The following FHIT variants were observed in gnomAD, a reference collection of about 807,000 sequenced individuals.
FHIT encodes the protein fragile histidine triad diadenosine triphosphatase, also known as bis(5'-adenosyl)-triphosphatase.
FHIT carries 19 observed loss-of-function variants against 17.9 expected under a neutral mutation model. That is an observed-to-expected ratio of 1.06 (90% CI 0.74 to 1.56). The LOEUF is 1.56. Among genes scored for constraint, FHIT ranks in the 40% most tolerant of loss-of-function variants. The pLI is 0.00. For missense variants in FHIT, 248 were observed against 189.2 expected (o/e 1.31, Z -1.82); for synonymous variants, 81 against 69.7 (o/e 1.16, Z -0.81).
chr3:61,183,570 T>G (rs2038410403), intron 2 of FHIT, among the ~76,000 whole-genome samples: 1 of 152,188 alleles, frequency 6.6e-6, no homozygotes, highest in African/African-American at 2.4e-5. Flanking sequence ...ACCTAACCTC[T>G]CTGAACATCT....
At chr3:60,751,633 G>A (rs371074808) in intron 4 of FHIT, among the ~76,000 whole-genome samples, 10 of 152,168 alleles carry the variant, frequency 6.6e-5, no homozygotes, top group Non-Finnish European at 7.3e-5. Context: ...CACTGTTGGT[G>A]AGATTTTAAG....
At chr3:61,043,864 C>A (rs1309678784) in intron 2 of FHIT, among the ~76,000 whole-genome samples, 1 of 152,194 alleles carries the variant, frequency 6.6e-6, no homozygotes, top group South Asian at 2.1e-4. Flanking sequence ...CCCAGGCAAA[C>A]AGGGTCTGGA....
At chr3:60,926,593 A>C (rs1436912549) in intron 3 of FHIT, among the ~76,000 whole-genome samples, 1 of 152,244 alleles carries the variant, frequency 6.6e-6, no homozygotes, top group Non-Finnish European at 1.5e-5. Context: ...AAATGCCCAC[A>C]AGAGAAATCA....
At chr3:59,974,056 C>T (rs1708302700) in intron 7 of FHIT, among the ~76,000 whole-genome samples, 1 of 151,844 alleles carries the variant, frequency 6.6e-6, no homozygotes, top group South Asian at 2.1e-4. Flanking sequence ...GCAAAAATGG[C>T]ATTGTTTTCA....
At chr3:59,852,055 G>A (rs753058893) in intron 8 of FHIT, among the ~76,000 whole-genome samples, 1 of 152,142 alleles carries the variant, frequency 6.6e-6, no homozygotes, top group Admixed American at 6.6e-5. Flanking sequence ...TAATTAAACT[G>A]TTACATTGAG....
intron 5 of FHIT, among the ~76,000 whole-genome samples, chr3:60,081,353 T>A (rs764608901): frequency 6.6e-6 from 1 of 152,104 alleles, no homozygotes; most frequent in African/African-American, 2.4e-5. Context: ...ACCAACAGTA[T>A]AAATGGGTGT....
chr3:60,312,967 G>C (rs149041582), intron 5 of FHIT, among the ~76,000 whole-genome samples: 1 of 152,170 alleles, frequency 6.6e-6, no homozygotes, highest in African/African-American at 2.4e-5. Flanking sequence ...GCATGAGACC[G>C]AGTGCATCCA....
At chr3:60,939,408 AC>A (rs1708320441) in intron 3 of FHIT, among the ~76,000 whole-genome samples, 1 of 152,078 alleles carries the variant, frequency 6.6e-6, no homozygotes, top group Non-Finnish European at 1.5e-5. Flanking sequence ...TGCAATATTT[AC>A]CCTTTAGTCC....
At chr3:59,924,947 A>G (rs548208888) in intron 7 of FHIT, among the ~76,000 whole-genome samples, 12 of 152,344 alleles carry the variant, frequency 7.9e-5, no homozygotes, top group Non-Finnish European at 1.8e-4. Flanking sequence ...CAGTGTGGGC[A>G]CGGAGGTCAC....
At chr3:59,914,594 G>A (rs1220357124) in intron 8 of FHIT, among the ~76,000 whole-genome samples, 2 of 152,064 alleles carry the variant, frequency 1.3e-5, no homozygotes, top group African/African-American at 4.8e-5. Context: ...AAATGCTTTG[G>A]GACTTTAAAA....
chr3:59,949,609 T>C (rs1707010932), intron 7 of FHIT, among the ~76,000 whole-genome samples: 1 of 152,216 alleles, frequency 6.6e-6, no homozygotes, highest in Non-Finnish European at 1.5e-5. Flanking sequence ...GATGTGTTAG[T>C]GATTAATTTC....
At chr3:60,256,779 G>A (rs924098934) in intron 5 of FHIT, among the ~76,000 whole-genome samples, 5 of 152,100 alleles carry the variant, frequency 3.3e-5, no homozygotes, top group South Asian at 2.1e-4. Flanking sequence ...AGGTGCAATA[G>A]TCTCCTAATC....
intron 8 of FHIT, among the ~76,000 whole-genome samples, chr3:59,848,295 C>T (rs1203676112): frequency 6.6e-6 from 1 of 152,116 alleles, no homozygotes; most frequent in African/African-American, 2.4e-5. Flanking sequence ...CTCCAGAGTT[C>T]CAAAATAGCT....
intron 4 of FHIT, among the ~76,000 whole-genome samples, chr3:60,637,273 T>C (rs528393432): frequency 1.3e-5 from 2 of 152,304 alleles, no homozygotes; most frequent in Non-Finnish European, 2.9e-5. Context: ...GGAATTTTAG[T>C]AGAAGTTAGA....
intron 4 of FHIT, among the ~76,000 whole-genome samples, chr3:60,728,588 GT>G (rs1247053991): frequency 2.0e-5 from 3 of 151,126 alleles, no homozygotes; most frequent in African/African-American, 7.3e-5. Flanking sequence ...GTTTTGCGTC[GT>G]TTTTTTAAAA....
At chr3:60,745,752 C>T (rs1174715465) in intron 4 of FHIT, among the ~76,000 whole-genome samples, 5 of 152,116 alleles carry the variant, frequency 3.3e-5, no homozygotes, top group African/African-American at 1.2e-4. Context: ...ATACCAGAGT[C>T]ATCCAATGGC....
chr3:60,150,502 T>C (rs1160118201), intron 5 of FHIT, among the ~76,000 whole-genome samples: 1 of 152,226 alleles, frequency 6.6e-6, no homozygotes, highest in Non-Finnish European at 1.5e-5. Context: ...ATTATTTTTA[T>C]TTGAAACAGA....
At chr3:60,505,013 C>T (rs1181450313) in intron 5 of FHIT, among the ~76,000 whole-genome samples, 1 of 152,192 alleles carries the variant, frequency 6.6e-6, no homozygotes, top group Non-Finnish European at 1.5e-5. Flanking sequence ...GGAATACCTG[C>T]TTCCCTGCCC....
rs146358051 is a variant in FHIT at position 60,962,858 on chromosome 3, G to C, written c.-111+79189C>G. 5.9e-3 allele frequency among the ~76,000 whole-genome samples: 900 copies of C among 152,224 alleles called. 7 individuals are homozygous for C. Among genetic ancestry groups the C allele is most frequent in the African/African-American group, 0.02 (816 of 41,512 alleles). ...GTATTTTATTGAGGATTTTTGCATC[G>C]ATGTTCATCAGGGATATTGGTCTAA... On this transcript the variant is annotated intron_variant, in intron 3 of 9. Coordinates refer to ENST00000492590, the MANE Select transcript of FHIT (RefSeq NM_002012.4).
Sources: allele counts gnomAD v4.1 joint callset (sites outside exome capture counted in the v4.1 genomes callset), GRCh38; gene constraint gnomAD v4.1.1; transcripts MANE v1.5; gene names NCBI Gene and HGNC (gene_info 2026-07-23, HGNC 2026-07-21).